The following DOCK11 variants were observed in gnomAD, a reference collection of about 807,000 sequenced individuals.
The protein encoded by DOCK11 is dedicator of cytokinesis protein 11.
A neutral mutation model predicts 169.1 loss-of-function variants in DOCK11; 70 were observed. The ratio of observed to expected loss-of-function variants is 0.41; its 90% CI spans 0.34 to 0.51. DOCK11 has a LOEUF of 0.51. Ranked by LOEUF, DOCK11 falls within the 20% of genes least tolerant of loss-of-function variation. The probability of loss-of-function intolerance (pLI) is 0.10; values close to 1 mark genes in which losing one functional copy is unlikely to be tolerated. For synonymous variants in DOCK11, 529 were observed against 541.3 expected (o/e 0.98, Z 0.32); for missense variants, 1,166 against 1,538.8 (o/e 0.76, Z 4.05).
Position 118,542,955 on chromosome X carries a change from G to C in DOCK11, c.249G>C (p.Thr83=), listed in dbSNP as rs376017846. The change falls in exon 3 of 53, where the codon ACG becomes ACC. Residue 83 remains threonine, a synonymous_variant. Coordinates refer to ENST00000276202, the MANE Select transcript of DOCK11 (RefSeq NM_144658.4). ...CGGTGATAGGTCGTCAACGCAGAAC[G>C]GTGCAGTCTACTGTACCAGAAGATG... is the stretch of plus-strand genomic sequence containing the variant. ...SISVIGRQRR[T]VQSTVPEDAE... 1 of 1,209,034 alleles carries C rather than the reference G, an allele frequency of 8.3e-7. No homozygotes were observed. The highest frequency in any genetic ancestry group is 1.1e-6 in the Non-Finnish European group (1 of 894,962).
chrX:118,640,513 A>T (rs1164356710), intron 38 of DOCK11, among the ~76,000 whole-genome samples: 1 of 112,330 alleles, frequency 8.9e-6, no homozygotes, highest in Non-Finnish European at 1.9e-5. Flanking sequence ...TAATTGGCAT[A>T]ATTGAAAATG....
intron 19 of DOCK11, among the ~76,000 whole-genome samples, chrX:118,592,507 A>G (rs943982833): frequency 4.4e-5 from 5 of 112,483 alleles, no homozygotes; most frequent in Non-Finnish European, 9.4e-5. Flanking sequence ...GAATATTTGC[A>G]CGTGTACCTT....
intron 1 of DOCK11, among the ~76,000 whole-genome samples, chrX:118,516,864 G>A (rs927003284): frequency 2.0e-4 from 22 of 111,830 alleles, no homozygotes; most frequent in African/African-American, 5.9e-4. Flanking sequence ...TCTGTGCCTC[G>A]TTTTCTTCAT....
chrX:118,499,011 G>A (rs1048363359), intron 1 of DOCK11, among the ~76,000 whole-genome samples: 2 of 111,796 alleles, frequency 1.8e-5, no homozygotes, highest in African/African-American at 6.5e-5. Flanking sequence ...TTTTTATGAA[G>A]GTCAGTTTTA....
chrX:118,635,555 C>A (rs998687078), intron 35 of DOCK11, among the ~76,000 whole-genome samples: 1 of 112,152 alleles, frequency 8.9e-6, no homozygotes, highest in African/African-American at 3.2e-5. Context: ...GGAAAGTTAT[C>A]TGTCTCTCCT....
Position 118,608,985 on chromosome X carries a change from G to A in DOCK11, c.2878-293G>A, listed in dbSNP as rs182472423. Among the ~76,000 whole-genome samples the A allele has an allele frequency of 1.7e-4, 19 of 111,691 alleles. No homozygotes were observed. The East Asian group carries it at 4.8e-3, about 28-fold the overall frequency. Reference sequence around the variant, plus strand: ...AAAGCGGTAACAAGATAAACTAGAAGTTAGTTTGCTCTTATTACCACTTGA... The same window carrying A: ...AAAGCGGTAACAAGATAAACTAGAAATTAGTTTGCTCTTATTACCACTTGA... On this transcript the variant is annotated intron_variant, in intron 26 of 52. Transcript: ENST00000276202.
chrX:118,643,659 A>G (rs1270644300), intron 40 of DOCK11, 65 bp downstream of exon 40: 23 of 1,126,730 alleles, frequency 2.0e-5, no homozygotes, highest in Non-Finnish European at 2.5e-5. Context: ...AGATGGGACA[A>G]TGGGGGTCAT....
intron 7 of DOCK11, among the ~76,000 whole-genome samples, chrX:118,563,851 G>A (rs1470321705): frequency 9.1e-6 from 1 of 109,410 alleles, no homozygotes; most frequent in Admixed American, 9.8e-5. Context: ...AGAGGCACCC[G>A]CCACCATGCC....
At chrX:118,571,352 C>CTTT (rs377665685) in intron 10 of DOCK11, among the ~76,000 whole-genome samples, 1 of 102,904 alleles carries the variant, frequency 9.7e-6, no homozygotes, top group Admixed American at 1.1e-4. Context: ...CTGTGTTAAT[C>CTTT]TTTTTTTTTT....
At position 118,578,385 on chromosome X, in the gene DOCK11, A is replaced by C. The variant is rs1031349706; in HGVS notation, c.1390-140A>C. 1.2e-5 allele frequency: 8 copies of C among 683,702 alleles called. No individual in the cohort carries two copies. The African/African-American group carries it at 1.6e-4, about 13-fold the overall frequency. 56.3% of individuals were successfully genotyped at this position (683,702 alleles called of 1,213,427 possible). Reference sequence around the variant, plus strand: ...GTTGGAAGCTTTGAAAACTCTATGAAAGGAAATTCTATCTATTTCTAGGGT... The same window carrying C: ...GTTGGAAGCTTTGAAAACTCTATGACAGGAAATTCTATCTATTTCTAGGGT... On this transcript the variant is annotated intron_variant, in intron 12 of 52. Coordinates refer to ENST00000276202, the MANE Select transcript of DOCK11 (RefSeq NM_144658.4).
intron 6 of DOCK11, among the ~76,000 whole-genome samples, chrX:118,550,468 A>T (rs774938292): frequency 6.3e-5 from 7 of 111,938 alleles, no homozygotes; most frequent in Non-Finnish European, 1.3e-4. Context: ...ACTGTTATTT[A>T]GTTCAACATT....
At chrX:118,529,235 G>A (rs2147328901) in intron 1 of DOCK11, among the ~76,000 whole-genome samples, 1 of 111,555 alleles carries the variant, frequency 9.0e-6, no homozygotes, top group Non-Finnish European at 1.9e-5. Flanking sequence ...GCCTGCCTTG[G>A]CCTCCCAAAG....
At chrX:118,547,534 C>G (rs1004939839) in intron 6 of DOCK11, among the ~76,000 whole-genome samples, 35 of 112,217 alleles carry the variant, frequency 3.1e-4, no homozygotes, top group African/African-American at 1.1e-3. Flanking sequence ...GTTTTATATT[C>G]TGTATCTTGT....
chrX:118,591,081 C>T (rs1256244975), intron 19 of DOCK11, among the ~76,000 whole-genome samples: 1 of 112,240 alleles, frequency 8.9e-6, no homozygotes, highest in East Asian at 2.8e-4. Context: ...CCAGCCCAGA[C>T]GTTCTGCTGT....
chrX:118,543,136 A>T, intron 3 of DOCK11, 121 bp downstream of exon 3: 1 of 545,438 alleles, frequency 1.8e-6, no homozygotes, highest in Admixed American at 4.0e-5. Context: ...TATTTAAAGT[A>T]GTCTTCCTTT....
chrX:118,532,735 C>G lies in DOCK11; in HGVS notation c.103-9990C>G, dbSNP rs373020794. 1.9e-3 allele frequency among the ~76,000 whole-genome samples: 184 copies of G among 98,500 alleles called. 2 individuals are homozygous for G. The East Asian group carries it at 0.06, about 32-fold the overall frequency. 85.5% of individuals were successfully genotyped at this position (98,500 alleles called of 115,157 possible). The stretch of plus-strand genomic sequence containing the variant: ...GGCGGAGCTTGCAGTGAGCCGAGAT[C>G]GCGCCACTGCACCCCAGCCTGGGCG... On this transcript the variant is annotated intron_variant, in intron 1 of 52. Coordinates refer to ENST00000276202, the MANE Select transcript of DOCK11 (RefSeq NM_144658.4).
In DOCK11 at chrX:118,542,919, G is replaced by A; in HGVS notation, c.220-7G>A. The stretch of plus-strand genomic sequence containing the variant: ...TTCTTACAGCAAAAATGTTCTTTGT[G>A]TTCTAGATCTCGGTGATAGGTCGTC... On this transcript the variant is annotated splice_region_variant and splice_polypyrimidine_tract_variant and intron_variant, in intron 2 of 52. Coordinates refer to ENST00000276202, the MANE Select transcript of DOCK11 (RefSeq NM_144658.4). 1 of 1,210,047 alleles carries A rather than the reference G, an allele frequency of 8.3e-7. No individual in the cohort carries two copies. Among genetic ancestry groups the A allele is most frequent in the East Asian group, 3.0e-5 (1 of 33,844 alleles).
intron 42 of DOCK11, among the ~76,000 whole-genome samples, chrX:118,652,882 A>G (rs1398153461): frequency 6.2e-5 from 7 of 112,459 alleles, no homozygotes; most frequent in South Asian, 3.7e-4. Context: ...TCATAGTCAC[A>G]GCATATTTGA....
intron 24 of DOCK11, among the ~76,000 whole-genome samples, chrX:118,607,460 T>C (rs2014559539): frequency 1.1e-5 from 1 of 93,280 alleles, no homozygotes; most frequent in African/African-American, 4.0e-5. Context: ...CTCGCTCTGT[T>C]GCCCAGGCTG....
Sources: gnomAD v4.1 joint callset for allele counts (sites outside exome capture counted in the v4.1 genomes callset) on GRCh38, gnomAD v4.1.1 for gene constraint, MANE v1.5 for transcripts, NCBI Gene and HGNC (gene_info 2026-07-23, HGNC 2026-07-21) for gene names.